IGF2BP3: variants seen among roughly 807,000 people sequenced by gnomAD.
IGF2BP3 encodes the protein insulin like growth factor 2 mRNA binding protein 3.
IGF2BP3 carries 9 observed loss-of-function variants against 73.8 expected under a neutral mutation model. The ratio of observed to expected loss-of-function variants is 0.12; its 90% CI spans 0.07 to 0.21. IGF2BP3 has a LOEUF of 0.21. IGF2BP3 is among the 10% of genes least tolerant of loss of function. The probability of loss-of-function intolerance (pLI) is 1.00; values close to 1 mark genes in which losing one functional copy is unlikely to be tolerated. For synonymous variants in IGF2BP3, 258 were observed against 256.7 expected (o/e 1.01, Z -0.05); for missense variants, 542 against 714.0 (o/e 0.76, Z 2.75).
intron 3 of IGF2BP3, among the ~76,000 whole-genome samples, chr7:23,395,777 T>C (rs980477756): frequency 1.3e-5 from 2 of 151,654 alleles, no homozygotes; most frequent in African/African-American, 4.9e-5. Context: ...AATACAACAA[T>C]TAGCTGGGCG....
intron 11 of IGF2BP3, among the ~76,000 whole-genome samples, chr7:23,318,758 G>T (rs140567434): frequency 6.6e-6 from 1 of 152,102 alleles, no homozygotes; most frequent in Non-Finnish European, 1.5e-5. Context: ...AACCTCCCTA[G>T]AAGAAAAGCT....
chr7:23,412,172 T>A lies in IGF2BP3; in HGVS notation c.285+6604A>T, dbSNP rs112157964. Among the ~76,000 whole-genome samples, 1,334 of 151,920 alleles carry A rather than the reference T, an allele frequency of 8.8e-3. 25 individuals are homozygous for A. The highest frequency in any genetic ancestry group is 0.08 in the East Asian group (414 of 5,154). On this transcript the variant is annotated intron_variant, in intron 3 of 14. Coordinates refer to ENST00000258729, the MANE Select transcript of IGF2BP3 (RefSeq NM_006547.3). ...TAATTTTTGTATTTATAGTAGAGAT[T>A]GGGTTTTGCCATGTTGGCCAGGCTG...
intron 12 of IGF2BP3, among the ~76,000 whole-genome samples, 157 bp from the exon 13 acceptor site, chr7:23,313,810 G>C (rs1246213639): frequency 6.6e-6 from 1 of 152,216 alleles, no homozygotes; most frequent in Non-Finnish European, 1.5e-5. Flanking sequence ...AGAGCAGTTA[G>C]AAGTCCTAAA....
intron 2 of IGF2BP3, among the ~76,000 whole-genome samples, chr7:23,438,970 G>A (rs1400491351): frequency 6.6e-6 from 1 of 151,974 alleles, no homozygotes; most frequent in Non-Finnish European, 1.5e-5. Context: ...TATAGGCCAG[G>A]CATGGTGGCT....
chr7:23,425,354 T>C (rs1418670791), intron 2 of IGF2BP3, among the ~76,000 whole-genome samples: 3 of 152,234 alleles, frequency 2.0e-5, no homozygotes, highest in Admixed American at 2.0e-4. Flanking sequence ...ATTTTAATAA[T>C]TGTTTACTAC....
At chr7:23,371,658 G>T (rs1184455513) in intron 3 of IGF2BP3, among the ~76,000 whole-genome samples, 1 of 152,180 alleles carries the variant, frequency 6.6e-6, no homozygotes, top group African/African-American at 2.4e-5. Flanking sequence ...CCATTAATAA[G>T]ATTGTAAACC....
rs7798282 is a variant in IGF2BP3, at chr7:23,462,518, C to T, written c.236+5964G>A. Among the ~76,000 whole-genome samples the T allele has an allele frequency of 1.3e-4, 19 of 151,902 alleles. No individual in the cohort carries two copies. In the East Asian group the frequency reaches 2.7e-3, roughly 22 times the overall value. ...CTGGGACTAAAGGCGACCGCCACCA[C>T]GCCCGGTTAATTTTTTTGTATTTTT... is the stretch of plus-strand genomic sequence containing the variant. On this transcript the variant is annotated intron_variant, in intron 2 of 14. Coordinates refer to ENST00000258729, the MANE Select transcript of IGF2BP3 (RefSeq NM_006547.3).
intron 3 of IGF2BP3, chr7:23,402,206 G>C (rs1010593842): frequency 6.6e-6 from 1 of 152,188 alleles, no homozygotes; most frequent in African/African-American, 2.4e-5. Context: ...TTTTAGAGTT[G>C]AGTTGTATTA....
rs115080970 is a variant in IGF2BP3, at chr7:23,427,256, A to G, written c.237-8432T>C. On this transcript the variant is annotated intron_variant, in intron 2 of 14. Transcript: ENST00000258729. ...ATGAGGGTGCGGGCAGGAAGCTCCA[A>G]TTTTTCAGATAGATAAACCTGGGAG... 5.7e-3 allele frequency among the ~76,000 whole-genome samples: 870 copies of G among 152,044 alleles called. 11 individuals carry two copies. The highest frequency in any genetic ancestry group is 0.02 in the African/African-American group (821 of 41,476).
intron 10 of IGF2BP3, among the ~76,000 whole-genome samples, chr7:23,329,448 T>C (rs1784388968): frequency 6.6e-6 from 1 of 152,208 alleles, no homozygotes; most frequent in Admixed American, 6.5e-5. Context: ...CCTGTTTGAA[T>C]ACCTCTACTG....
chr7:23,411,154 T>A (rs1441173005), intron 3 of IGF2BP3, among the ~76,000 whole-genome samples: 1 of 152,234 alleles, frequency 6.6e-6, no homozygotes, highest in Non-Finnish European at 1.5e-5. Context: ...ATTTCTAATA[T>A]TTAACATCTC....
At chr7:23,345,489 A>G (rs1339241904) in intron 8 of IGF2BP3, among the ~76,000 whole-genome samples, 1 of 152,242 alleles carries the variant, frequency 6.6e-6, no homozygotes, top group African/African-American at 2.4e-5. Context: ...TTCTGCCAAC[A>G]GCCAGCATCA....
chr7:23,431,698 T>G (rs1158953767), intron 2 of IGF2BP3, among the ~76,000 whole-genome samples: 1 of 152,074 alleles, frequency 6.6e-6, no homozygotes, highest in Non-Finnish European at 1.5e-5. Context: ...CCTTCAATTA[T>G]GGTCCGAGAA....
intron 3 of IGF2BP3, among the ~76,000 whole-genome samples, chr7:23,378,762 CG>C (rs1785812195): frequency 1.3e-5 from 2 of 151,732 alleles, no homozygotes; most frequent in African/African-American, 4.8e-5. Flanking sequence ...TTAGTAGAGA[CG>C]GGGTTTCACC....
intron 10 of IGF2BP3, among the ~76,000 whole-genome samples, chr7:23,338,234 G>T (rs1784622854): frequency 6.6e-6 from 1 of 152,024 alleles, no homozygotes; most frequent in African/African-American, 2.4e-5. Context: ...GTAGAAAAAG[G>T]GATATACACA....
intron 2 of IGF2BP3, among the ~76,000 whole-genome samples, chr7:23,431,873 T>C (rs1367471945): frequency 2.0e-5 from 3 of 152,178 alleles, no homozygotes; most frequent in Non-Finnish European, 2.9e-5. Context: ...TGGTGGCCAC[T>C]GTGGTATAGT....
At chr7:23,398,538 C>T (rs369187822) in intron 3 of IGF2BP3, among the ~76,000 whole-genome samples, 2 of 152,156 alleles carry the variant, frequency 1.3e-5, no homozygotes, top group African/African-American at 4.8e-5. Context: ...AACAGTGTAA[C>T]AGTGTTCCTA....
chr7:23,388,026 C>T (rs1786143068), intron 3 of IGF2BP3, among the ~76,000 whole-genome samples: 2 of 152,040 alleles, frequency 1.3e-5, no homozygotes, highest in African/African-American at 2.4e-5. Context: ...CTGCAAGCTC[C>T]GCCTCCCGGG....
Position 23,469,133 on chromosome 7 carries a change from G to T in IGF2BP3, c.176-591C>A, listed in dbSNP as rs1300475315. 6.4e-6 allele frequency: 1 copy of T among 155,326 alleles called. No homozygotes were observed. Among genetic ancestry groups the T allele is most frequent in the Non-Finnish European group, 1.4e-5 (1 of 69,908 alleles). The allele number at this position is 155,326 out of a possible 1,614,324, so 9.6% of individuals were successfully genotyped here. A position where few individuals can be genotyped will look rare whatever the true frequency, so the allele number is the denominator to read the frequency against. On this transcript the variant is annotated intron_variant, in intron 1 of 14. Transcript: ENST00000258729. The surrounding 1 kb of genome is among the most constrained non-coding windows in gnomAD (Gnocchi z 6.1). ...CGCACCACGTCTGAATTGATTAAAA[G>T]GGAAGCCGAAAGGCACGGGGCTCCC...
Sources: allele counts gnomAD v4.1 joint callset (sites outside exome capture counted in the v4.1 genomes callset), GRCh38; gene constraint gnomAD v4.1.1; non-coding constraint Gnocchi (gnomAD v3.1); transcripts MANE v1.5; gene names NCBI Gene and HGNC (gene_info 2026-07-23, HGNC 2026-07-21).